GPR35: variants seen among roughly 807,000 people sequenced by gnomAD.
The protein encoded by GPR35 is G protein-coupled receptor 35.
For missense variants in GPR35, 372 were observed against 422.5 expected (o/e 0.88, Z 1.05); for synonymous variants, 207 against 198.4 (o/e 1.04, Z -0.36).
chr2:240,609,942 CCCTTTTTTCATATGAAATAT>C (rs1342559874), intron 2 of GPR35, among the ~76,000 whole-genome samples: 1 of 151,878 alleles, frequency 6.6e-6, no homozygotes, highest in Non-Finnish European at 1.5e-5. Flanking sequence ...GATGAATTGA[CCCTTTTTTCATATGAAATAT>C]CCTTTTTTTT....
intron 2 of GPR35, among the ~76,000 whole-genome samples, chr2:240,608,526 A>G (rs1432124932): frequency 2.6e-5 from 4 of 152,250 alleles, no homozygotes; most frequent in Non-Finnish European, 4.4e-5. Flanking sequence ...AGATAAATAT[A>G]TACATTTTAC....
At position 240,630,366 on chromosome 2, in the gene GPR35, G is replaced by C. The variant is rs368592018; in HGVS notation, c.414G>C (p.Ala138=). The change falls in exon 2 of 2, where the codon GCG becomes GCC. Residue 138 remains alanine (A), a synonymous_variant. Coordinates refer to ENST00000407714, the MANE Select transcript of GPR35 (RefSeq NM_005301.5). ...RSPRQAAAVC[A]VLWVLVIGSL... ...CCAGGCAGGCTGCGGCCGTGTGCGC[G>C]GTCCTCTGGGTGCTGGTCATCGGCT... The C allele has an allele frequency of 1.2e-6, 2 of 1,608,302 alleles. No homozygotes were observed. The highest frequency in any genetic ancestry group is 1.7e-5 in the Admixed American group (1 of 59,992).
intron 2 of GPR35, among the ~76,000 whole-genome samples, chr2:240,611,205 T>C (rs1391025340): frequency 1.3e-5 from 2 of 152,060 alleles, no homozygotes; most frequent in African/African-American, 2.4e-5. Context: ...TGACCCCAAA[T>C]GATCCACCCA....
At chr2:240,614,935 C>T (rs1435345944) in intron 2 of GPR35, among the ~76,000 whole-genome samples, 2 of 151,626 alleles carry the variant, frequency 1.3e-5, no homozygotes, top group African/African-American at 2.4e-5. Flanking sequence ...TTTGTGTGTG[C>T]TTGTGTGTAT....
chr2:240,622,643 C>T (rs2043308885), upstream of GPR35, among the ~76,000 whole-genome samples: 1 of 152,236 alleles, frequency 6.6e-6, no homozygotes, highest in Non-Finnish European at 1.5e-5. Context: ...TGCAGAGGCT[C>T]CCCTAGATAG....
At chr2:240,606,740 A>C (rs937365656) in intron 2 of GPR35, 2 of 152,258 alleles carry the variant, frequency 1.3e-5, no homozygotes, top group African/African-American at 4.8e-5. Context: ...GAATTGAAAG[A>C]AGCTCTCTGT....
At chr2:240,629,677 T>C in intron 1 of GPR35, 1 of 392,700 alleles carries the variant, frequency 2.5e-6, no homozygotes, top group Non-Finnish European at 4.6e-6. Flanking sequence ...GTGGAGCTCC[T>C]TCTGCCTCCT....
chr2:240,624,106 C>T (rs1171676075), upstream of GPR35, among the ~76,000 whole-genome samples: 1 of 152,144 alleles, frequency 6.6e-6, no homozygotes, highest in Non-Finnish European at 1.5e-5. Context: ...AAGGAGCACT[C>T]CTGGGAGATG....
chr2:240,623,857 A>G (rs2043336830), upstream of GPR35, among the ~76,000 whole-genome samples: 2 of 152,210 alleles, frequency 1.3e-5, no homozygotes, highest in South Asian at 4.1e-4. Flanking sequence ...GGCCCTGCCC[A>G]GTGGGGCTTC....
rs936580997 is a variant in GPR35, at chr2:240,616,864, C to G, written c.-452-226C>G. On this transcript the variant is annotated intron_variant, in intron 3 of 5. Coordinates refer to the GPR35 transcript ENST00000319838. ...GGCTCTGGGGTAGCCAGATGCCATG[C>G]TGTGTGCTGCCCTGTGAAGAGGCAT... 5 of 721,526 alleles carry G rather than the reference C, an allele frequency of 6.9e-6. No homozygotes were observed. In the African/African-American group the frequency reaches 8.7e-5, roughly 12 times the overall value. 44.7% of individuals were successfully genotyped at this position (721,526 alleles called of 1,614,324 possible).
In GPR35 at chr2:240,630,476, TC is replaced by T; in HGVS notation, c.527del (p.Pro176ArgfsTer17). On this transcript the variant is annotated frameshift_variant, in exon 2 of 2. Coordinates refer to ENST00000407714, the MANE Select transcript of GPR35 (RefSeq NM_005301.5). LOFTEE classifies it low-confidence loss of function (END_TRUNC). ...CGGCACAATTTCAACTCCATGGCGT[TC>T]CCGCTGCTGGGATTCTACCTGCCCC... is the stretch of plus-strand genomic sequence containing the variant. Reference protein sequence around the residue: ...STRHNFNSMAFPLLGFYLPLA... With the variant: ...STRHNFNSMAXPLLGFYLPLA... The T allele has an allele frequency of 6.2e-7, 1 of 1,612,916 alleles. No individual in the cohort carries two copies. Among genetic ancestry groups the T allele is most frequent in the Non-Finnish European group, 8.5e-7 (1 of 1,179,962 alleles).
At chr2:240,612,628 G>A (rs1023145637) in intron 2 of GPR35, among the ~76,000 whole-genome samples, 5 of 152,184 alleles carry the variant, frequency 3.3e-5, no homozygotes, top group Non-Finnish European at 5.9e-5. Flanking sequence ...CCCCGAGGGG[G>A]TGTGAGGAAA....
chr2:240,616,783 G>A (rs1171063585), intron 3 of GPR35, among the ~76,000 whole-genome samples: 2 of 147,384 alleles, frequency 1.4e-5, no homozygotes, highest in Admixed American at 6.8e-5. Context: ...TGTCTCTTCC[G>A]TGATTAGGTT....
intron 2 of GPR35, among the ~76,000 whole-genome samples, chr2:240,614,576 T>C (rs2953147): frequency 0.78 from 119,229 of 152,168 alleles, 47,080 homozygotes; most frequent in East Asian, 0.97. Flanking sequence ...CCCCTGGTCC[T>C]GAGGAGGACT....
chr2:240,621,470 G>A (rs1162501615), upstream of GPR35, among the ~76,000 whole-genome samples: 1 of 152,148 alleles, frequency 6.6e-6, no homozygotes, highest in African/African-American at 2.4e-5. Context: ...GGCCAGGCTG[G>A]TCTTGAACTC....
upstream of GPR35, among the ~76,000 whole-genome samples, chr2:240,623,774 ACAGT>A (rs1352923135): frequency 1.1e-4 from 17 of 152,084 alleles, no homozygotes; most frequent in Non-Finnish European, 2.1e-4. Context: ...CTTCCCAGAG[ACAGT>A]CAGAGTCTCT....
chr2:240,625,234 A>T, upstream of GPR35: 1 of 983,712 alleles, frequency 1.0e-6, no homozygotes, highest in South Asian at 4.7e-5. Context: ...TCTGTCTCTC[A>T]CGCTGTTTCC....
upstream of GPR35, among the ~76,000 whole-genome samples, chr2:240,621,737 A>G (rs2043297778): frequency 6.6e-6 from 1 of 152,234 alleles, no homozygotes; most frequent in Non-Finnish European, 1.5e-5. Flanking sequence ...GTTTATTGAA[A>G]GTTGCTCCAT....
intron 2 of GPR35, among the ~76,000 whole-genome samples, chr2:240,613,180 T>C (rs1456089626): frequency 6.6e-6 from 1 of 151,862 alleles, no homozygotes; most frequent in Non-Finnish European, 1.5e-5. Flanking sequence ...GAAGGTGAAG[T>C]GTGGGGACAG....
Sources: allele counts gnomAD v4.1 joint callset (sites outside exome capture counted in the v4.1 genomes callset), GRCh38; gene constraint gnomAD v4.1.1; transcripts MANE v1.5; gene names NCBI Gene and HGNC (gene_info 2026-07-23, HGNC 2026-07-21).